Variants in SORBS2 observed in about 807,000 individuals in gnomAD.
SORBS2 encodes sorbin and SH3 domain-containing protein 2.
A neutral mutation model predicts 97.7 loss-of-function variants in SORBS2; 46 were observed. The observed-to-expected ratio is 0.47, with a 90% CI of 0.37 to 0.60. The LOEUF (loss-of-function observed/expected upper bound fraction) is 0.60. Among genes scored for constraint, SORBS2 ranks in the 20% least tolerant of loss-of-function variants. The pLI is 0.00. For synonymous variants in SORBS2, 476 were observed against 473.4 expected, an observed-to-expected ratio of 1.01 and a Z score of -0.07; for missense variants, 1,316 against 1,282.3, an observed-to-expected ratio of 1.03 and a Z score of -0.40.
At chr4:185,699,938 G>C (rs908056053) in intron 2 of SORBS2, among the ~76,000 whole-genome samples, 1 of 152,126 alleles carries the variant, frequency 6.6e-6, no homozygotes, top group African/African-American at 2.4e-5. Flanking sequence ...CAGAATCATA[G>C]GTGAATAAAA....
At chr4:185,763,472 T>C (rs2098916160) in intron 2 of SORBS2, among the ~76,000 whole-genome samples, 1 of 152,216 alleles carries the variant, frequency 6.6e-6, no homozygotes. Flanking sequence ...TACTGCTCTT[T>C]GTCTAATTCC....
At chr4:185,928,285 T>C (rs943117743) in intron 1 of SORBS2, among the ~76,000 whole-genome samples, 1 of 152,068 alleles carries the variant, frequency 6.6e-6, no homozygotes, top group Non-Finnish European at 1.5e-5. Flanking sequence ...GTGCCTGTGG[T>C]CCCAGCTCAT....
At chr4:185,768,915 G>T (rs183853396) in intron 2 of SORBS2, among the ~76,000 whole-genome samples, 8 of 152,230 alleles carry the variant, frequency 5.3e-5, no homozygotes, top group African/African-American at 1.9e-4. Context: ...AGTGAAAAAA[G>T]TAAGTGGCCA....
chr4:185,722,354 A>G (rs1014637183), intron 2 of SORBS2, among the ~76,000 whole-genome samples: 2 of 152,242 alleles, frequency 1.3e-5, no homozygotes, highest in Non-Finnish European at 2.9e-5. Flanking sequence ...ATTAGCTATG[A>G]TAAATTATGT....
intron 12 of SORBS2, among the ~76,000 whole-genome samples, chr4:185,603,228 T>C (rs557721477): frequency 1.2e-4 from 18 of 151,870 alleles, no homozygotes; most frequent in Non-Finnish European, 2.6e-4. Flanking sequence ...TTGACTAAGC[T>C]TAAAAACCGA....
At chr4:185,767,760 C>T (rs920316876) in intron 2 of SORBS2, among the ~76,000 whole-genome samples, 1 of 152,166 alleles carries the variant, frequency 6.6e-6, no homozygotes, top group African/African-American at 2.4e-5. Flanking sequence ...TTCTCAGTTA[C>T]ATCTGTGTAA....
chr4:185,753,190 C>A (rs1487609310), intron 2 of SORBS2, among the ~76,000 whole-genome samples: 1 of 152,216 alleles, frequency 6.6e-6, no homozygotes, highest in Non-Finnish European at 1.5e-5. Context: ...TGATGAATTT[C>A]AATTCTGTAT....
At chr4:185,650,478 G>A (rs890639347) in intron 2 of SORBS2, among the ~76,000 whole-genome samples, 6 of 152,082 alleles carry the variant, frequency 3.9e-5, no homozygotes, top group Admixed American at 6.5e-5. Context: ...CAGTTGACTC[G>A]TCCACTGATC....
At chr4:185,813,046 C>A (rs1006920448) in intron 1 of SORBS2, 3 of 152,180 alleles carry the variant, frequency 2.0e-5, no homozygotes. Context: ...TGATTAATGC[C>A]ATGAACAACG....
At chr4:185,833,144 G>A (rs893570695) in intron 1 of SORBS2, among the ~76,000 whole-genome samples, 2 of 152,132 alleles carry the variant, frequency 1.3e-5, no homozygotes, top group African/African-American at 4.8e-5. Context: ...AGTTATCCAT[G>A]GAAAATGAAG....
chr4:185,650,437 C>T (rs1179653713), intron 2 of SORBS2, among the ~76,000 whole-genome samples: 1 of 151,974 alleles, frequency 6.6e-6, no homozygotes, highest in East Asian at 1.9e-4. Context: ...CCATGGCTTG[C>T]ACGGTTAGTA....
intron 4 of SORBS2, among the ~76,000 whole-genome samples, chr4:185,641,892 G>T (rs1329946191): frequency 2.0e-5 from 3 of 152,082 alleles, no homozygotes; most frequent in East Asian, 1.9e-4. Context: ...GCTACCAAGG[G>T]TGAACAACTT....
intron 1 of SORBS2, among the ~76,000 whole-genome samples, chr4:185,822,527 A>G (rs1299940906): frequency 6.6e-6 from 1 of 152,270 alleles, no homozygotes; most frequent in East Asian, 1.9e-4. Context: ...TGGCAGAGAC[A>G]TTGTTTCTGG....
At chr4:185,853,589 C>T (rs2099219108) in intron 1 of SORBS2, among the ~76,000 whole-genome samples, 1 of 152,140 alleles carries the variant, frequency 6.6e-6, no homozygotes, top group African/African-American at 2.4e-5. Context: ...GAGAAATATG[C>T]AAACTTATTT....
At chr4:185,601,734 A>G (rs2096266461) in intron 12 of SORBS2, among the ~76,000 whole-genome samples, 3 of 152,234 alleles carry the variant, frequency 2.0e-5, no homozygotes, top group Admixed American at 2.0e-4. Context: ...GATGTGGATC[A>G]TAACAGCTGG....
intron 2 of SORBS2, among the ~76,000 whole-genome samples, chr4:185,767,225 G>A (rs541290017): frequency 1.4e-4 from 22 of 152,152 alleles, no homozygotes; most frequent in Middle Eastern, 3.4e-3. Context: ...CTGGCCGGGC[G>A]CGGTGGCTCA....
At chr4:185,829,380 G>C (rs899282429) in intron 1 of SORBS2, among the ~76,000 whole-genome samples, 1 of 152,198 alleles carries the variant, frequency 6.6e-6, no homozygotes, top group African/African-American at 2.4e-5. Flanking sequence ...GTGAAATGCA[G>C]ATTCCAGCTA....
intron 1 of SORBS2, among the ~76,000 whole-genome samples, chr4:185,798,138 T>A (rs1371672472): frequency 6.6e-6 from 1 of 152,194 alleles, no homozygotes; most frequent in African/African-American, 2.4e-5. Flanking sequence ...ATGATAGTAA[T>A]GCCTGCTCAC....
chr4:185,842,177 G>A (rs1461360152), intron 1 of SORBS2, among the ~76,000 whole-genome samples: 1 of 152,232 alleles, frequency 6.6e-6, no homozygotes, highest in East Asian at 1.9e-4. Context: ...ACGATGTGTA[G>A]GTGGTAGAGT....
Sources: gnomAD v4.1 joint callset for allele counts (sites outside exome capture counted in the v4.1 genomes callset) on GRCh38, gnomAD v4.1.1 for gene constraint, MANE v1.5 for transcripts, NCBI Gene and HGNC (gene_info 2026-07-23, HGNC 2026-07-21) for gene names.